PARD3B: variants seen among roughly 807,000 people sequenced by gnomAD.
PARD3B encodes the protein partitioning defective 3 homolog B.
Under a neutral mutation model 130.2 loss-of-function variants are expected in PARD3B, and 103 were observed. That is an observed-to-expected ratio of 0.79 (90% confidence interval 0.67 to 0.93). PARD3B has a LOEUF of 0.93. Among genes scored for constraint, PARD3B ranks in the 40% least tolerant of loss-of-function variants. The pLI is 0.00. For missense variants in PARD3B, 1,609 were observed against 1,499.2 expected (o/e 1.07, Z -1.21); for synonymous variants, 583 against 553.2 (o/e 1.05, Z -0.76).
chr2:205,227,529 G>A (rs942343511), intron 15 of PARD3B, among the ~76,000 whole-genome samples: 20 of 152,016 alleles, frequency 1.3e-4, no homozygotes, highest in African/African-American at 4.3e-4. Context: ...CACTGGGATG[G>A]GATATCTTTT....
chr2:204,741,233 GA>G (rs1486923605), intron 2 of PARD3B, among the ~76,000 whole-genome samples: 1 of 152,100 alleles, frequency 6.6e-6, no homozygotes, highest in Non-Finnish European at 1.5e-5. Flanking sequence ...AAAGAAAGGA[GA>G]AAAAGATACA....
chr2:205,047,392 G>T (rs1416280326), intron 3 of PARD3B, among the ~76,000 whole-genome samples, 189 bp from the exon 4 acceptor site: 2 of 152,168 alleles, frequency 1.3e-5, no homozygotes, highest in African/African-American at 4.8e-5. Context: ...GAAAGATTTT[G>T]TTTCCATGTG....
At chr2:204,575,948 A>G (rs994279108) in intron 1 of PARD3B, among the ~76,000 whole-genome samples, 1 of 152,132 alleles carries the variant, frequency 6.6e-6, no homozygotes, top group African/African-American at 2.4e-5. Context: ...GCCTTGATAC[A>G]TGGCTTGTAG....
intron 21 of PARD3B, among the ~76,000 whole-genome samples, chr2:205,520,763 T>A (rs2051010224): frequency 6.6e-6 from 1 of 152,112 alleles, no homozygotes; most frequent in African/African-American, 2.4e-5. Context: ...AAGTCATATT[T>A]TTTTACTTTG....
At chr2:205,094,440 T>G (rs1429886043) in intron 4 of PARD3B, among the ~76,000 whole-genome samples, 2 of 152,170 alleles carry the variant, frequency 1.3e-5, no homozygotes, top group African/African-American at 4.8e-5. Flanking sequence ...CTAAGATGGC[T>G]TGTCAATGCG....
chr2:205,254,526 A>G (rs1465470048), intron 16 of PARD3B, among the ~76,000 whole-genome samples: 2 of 152,164 alleles, frequency 1.3e-5, no homozygotes, highest in South Asian at 2.1e-4. Flanking sequence ...CGAGTTTCAA[A>G]CATGAATACT....
At position 205,011,099 on chromosome 2, in the gene PARD3B, A is replaced by C. The variant is rs2125308432; in HGVS notation, c.395-36482A>C. Among the ~76,000 whole-genome samples, 1 of 152,326 alleles carries C rather than the reference A, an allele frequency of 6.6e-6. No homozygotes were observed. Among genetic ancestry groups the C allele is most frequent in the South Asian group, 2.1e-4 (1 of 4,824 alleles). On this transcript the variant is annotated intron_variant, in intron 3 of 22. Coordinates refer to ENST00000406610, the MANE Select transcript of PARD3B (RefSeq NM_001302769.2). The surrounding 1 kb of genome is among the most constrained non-coding windows in gnomAD (Gnocchi z 4.1). The stretch of plus-strand genomic sequence containing the variant: ...TAGCACCATTAGGCTAATTGGATAG[A>C]GATCCTGCCTATTCACTCTTGGCTG...
At chr2:204,642,783 T>C (rs1232712484) in intron 1 of PARD3B, among the ~76,000 whole-genome samples, 2 of 151,794 alleles carry the variant, frequency 1.3e-5, no homozygotes, top group Non-Finnish European at 2.9e-5. Flanking sequence ...CCCTTGCTGT[T>C]CTTGTATTCT....
rs778066973 is a variant in PARD3B at position 205,421,847 on chromosome 2, G to A, written c.2742-18523G>A. 1.4e-4 allele frequency among the ~76,000 whole-genome samples: 21 copies of A among 152,014 alleles called. No homozygotes were observed. In the South Asian group the frequency reaches 1.5e-3, roughly 11 times the overall value. On this transcript the variant is annotated intron_variant, in intron 19 of 22. Transcript: ENST00000406610. This position sits in a 1 kb window ranked among gnomAD's most constrained non-coding sequence, Gnocchi z 5.1. Reference sequence around the variant, plus strand: ...ATGTTCCTGGCTCATGGCTCCTTCTGCCATTTTTAAAGTGCATCTCTCCAA... The same window carrying A: ...ATGTTCCTGGCTCATGGCTCCTTCTACCATTTTTAAAGTGCATCTCTCCAA...
chr2:204,844,366 T>A (rs1423507165), intron 2 of PARD3B, among the ~76,000 whole-genome samples: 1 of 152,164 alleles, frequency 6.6e-6, no homozygotes, highest in Non-Finnish European at 1.5e-5. Flanking sequence ...TATAGCCATT[T>A]AAAGTTGATT....
At chr2:205,278,184 C>G (rs1021244637) in intron 16 of PARD3B, among the ~76,000 whole-genome samples, 4 of 152,060 alleles carry the variant, frequency 2.6e-5, no homozygotes, top group Non-Finnish European at 5.9e-5. Context: ...TTTAGGGAAG[C>G]CTTGGAGCTA....
At position 205,421,408 on chromosome 2, in the gene PARD3B, G is replaced by A. The variant is rs989697196; in HGVS notation, c.2742-18962G>A. Among the ~76,000 whole-genome samples, 5 of 152,116 alleles carry A rather than the reference G, an allele frequency of 3.3e-5. No individual in the cohort carries two copies. The highest frequency in any genetic ancestry group is 4.8e-5 in the African/African-American group (2 of 41,430). On this transcript the variant is annotated intron_variant, in intron 19 of 22. Coordinates refer to ENST00000406610, the MANE Select transcript of PARD3B (RefSeq NM_001302769.2). This position sits in a 1 kb window ranked among gnomAD's most constrained non-coding sequence, Gnocchi z 5.1. ...GCCATTTATGTGGGTTTCCTCTCCT[G>A]TGTTCCACTGTATTCCATTTTTAAT...
At chr2:205,115,152 G>A (rs527278822) in intron 6 of PARD3B, among the ~76,000 whole-genome samples, 2 of 152,220 alleles carry the variant, frequency 1.3e-5, no homozygotes, top group Admixed American at 1.3e-4. Context: ...AAAACAAGCT[G>A]ATCCTATAGA....
chr2:205,308,611 A>AAAAC (rs2042268002), intron 18 of PARD3B, among the ~76,000 whole-genome samples: 1 of 151,328 alleles, frequency 6.6e-6, no homozygotes, highest in African/African-American at 2.4e-5. Context: ...TCTCAAAAAA[A>AAAAC]AAAAAAAACC....
At chr2:204,862,448 T>A (rs940008996) in intron 2 of PARD3B, among the ~76,000 whole-genome samples, 1 of 152,206 alleles carries the variant, frequency 6.6e-6, no homozygotes, top group African/African-American at 2.4e-5. Flanking sequence ...TTAGCATATA[T>A]GAATAGATGT....
At chr2:205,408,226 A>T (rs2046476702) in intron 19 of PARD3B, among the ~76,000 whole-genome samples, 1 of 152,130 alleles carries the variant, frequency 6.6e-6, no homozygotes, top group Non-Finnish European at 1.5e-5. Flanking sequence ...TTAAATCAAT[A>T]CATGTGTTTT....
At chr2:205,056,917 ATATATAT>A (rs1699674544) in intron 4 of PARD3B, among the ~76,000 whole-genome samples, 1 of 86,790 alleles carries the variant, frequency 1.2e-5, no homozygotes, top group Non-Finnish European at 2.9e-5. Flanking sequence ...ACACACACAT[ATATATAT>A]ATATATATAT....
chr2:205,410,802 G>A (rs916849321), intron 19 of PARD3B, among the ~76,000 whole-genome samples: 6 of 152,016 alleles, frequency 3.9e-5, no homozygotes, highest in African/African-American at 1.5e-4. Flanking sequence ...TTTCATGACA[G>A]GCCAAGTGTA....
chr2:204,853,415 A>G (rs1442897219), intron 2 of PARD3B, among the ~76,000 whole-genome samples: 2 of 152,202 alleles, frequency 1.3e-5, no homozygotes, highest in Non-Finnish European at 2.9e-5. Flanking sequence ...GTGAAAGTGA[A>G]GACAGAATGA....
Sources: allele counts gnomAD v4.1 joint callset (sites outside exome capture counted in the v4.1 genomes callset), GRCh38; gene constraint gnomAD v4.1.1; non-coding constraint Gnocchi (gnomAD v3.1); transcripts MANE v1.5; gene names NCBI Gene and HGNC (gene_info 2026-07-23, HGNC 2026-07-21).